The following RHEB variants were observed in gnomAD, a reference collection of about 807,000 sequenced individuals.
RHEB encodes the protein GTP-binding protein Rheb.
A neutral mutation model predicts 28.8 loss-of-function variants in RHEB; 2 were observed. The ratio of observed to expected loss-of-function variants is 0.07; its 90% CI spans 0.03 to 0.22. The LOEUF is 0.22. RHEB is among the 10% of genes least tolerant of loss of function. The pLI is 1.00. For missense variants in RHEB, 76 were observed against 219.9 expected, an observed-to-expected ratio of 0.35 and a Z score of 4.14; for synonymous variants, 69 against 77.3, an observed-to-expected ratio of 0.89 and a Z score of 0.56.
At chr7:151,497,946 A>G (rs1802702856) in intron 1 of RHEB, 1 of 380,474 alleles carries the variant, frequency 2.6e-6, no homozygotes, top group Non-Finnish European at 5.2e-6. Context: ...AACGGGGCAT[A>G]TTGATTAGGC....
At chr7:151,511,917 C>T (rs527462146) in intron 1 of RHEB, among the ~76,000 whole-genome samples, 5 of 152,306 alleles carry the variant, frequency 3.3e-5, no homozygotes, top group Non-Finnish European at 7.3e-5. Context: ...TCCCAAAGTG[C>T]TGGAATTATA....
At chr7:151,509,639 G>C (rs903220189) in intron 1 of RHEB, among the ~76,000 whole-genome samples, 2 of 152,184 alleles carry the variant, frequency 1.3e-5, no homozygotes, top group African/African-American at 4.8e-5. Flanking sequence ...CAGAACAGCA[G>C]GAGGATGGAA....
At chr7:151,482,561 G>C (rs1802397740) in intron 3 of RHEB, among the ~76,000 whole-genome samples, 1 of 152,202 alleles carries the variant, frequency 6.6e-6, no homozygotes, top group Non-Finnish European at 1.5e-5. Flanking sequence ...TTACATGAAA[G>C]TGATTTATCA....
intron 1 of RHEB, chr7:151,503,467 T>C: frequency 8.9e-7 from 1 of 1,119,264 alleles, no homozygotes; most frequent in Admixed American, 1.7e-5. Flanking sequence ...TGACTAGACA[T>C]GAGTCTGGCA....
chr7:151,471,980 G>T, intron 4 of RHEB: 1 of 197,458 alleles, frequency 5.1e-6, no homozygotes, highest in Non-Finnish European at 1.0e-5. Context: ...CTGCTCCTGT[G>T]TTCTTTCCTA....
intron 1 of RHEB, among the ~76,000 whole-genome samples, chr7:151,492,640 G>C (rs78648962): frequency 0.43 from 65,179 of 149,860 alleles, 15,190 homozygotes; most frequent in South Asian, 0.6. Context: ...AAGAAAAAAA[G>C]TAGGGGTTGC....
chr7:151,510,099 A>G (rs1802955983), intron 1 of RHEB, among the ~76,000 whole-genome samples: 1 of 152,254 alleles, frequency 6.6e-6, no homozygotes, highest in Non-Finnish European at 1.5e-5. Flanking sequence ...CTTGAAGGAC[A>G]GTTGGCAAAC....
intron 1 of RHEB, among the ~76,000 whole-genome samples, chr7:151,504,386 T>G (rs971007176): frequency 6.6e-6 from 1 of 152,112 alleles, no homozygotes; most frequent in Non-Finnish European, 1.5e-5. Flanking sequence ...CCAGGATGCT[T>G]GAGGATAGCA....
intron 1 of RHEB, among the ~76,000 whole-genome samples, chr7:151,514,652 C>T (rs1043229432): frequency 6.6e-6 from 1 of 152,178 alleles, no homozygotes; most frequent in Non-Finnish European, 1.5e-5. Flanking sequence ...AATGACCCAG[C>T]AATTCCACTC....
At chr7:151,474,541 T>C (rs369906114) in intron 4 of RHEB, among the ~76,000 whole-genome samples, 29 of 152,304 alleles carry the variant, frequency 1.9e-4, no homozygotes, top group East Asian at 1.2e-3. Flanking sequence ...TCTACTCCTA[T>C]ATCAATATAC....
intron 3 of RHEB, among the ~76,000 whole-genome samples, chr7:151,478,261 T>C (rs1802306548): frequency 1.3e-5 from 2 of 152,134 alleles, no homozygotes; most frequent in Admixed American, 1.3e-4. Flanking sequence ...AGCACTATTA[T>C]GGAAAAATCA....
chr7:151,496,255 A>C (rs1802669929), intron 1 of RHEB, among the ~76,000 whole-genome samples: 1 of 152,148 alleles, frequency 6.6e-6, no homozygotes, highest in Non-Finnish European at 1.5e-5. Flanking sequence ...CCACCTCCTG[A>C]GCACACCAAG....
chr7:151,492,256 T>G (rs927406414), intron 1 of RHEB, among the ~76,000 whole-genome samples: 20 of 152,340 alleles, frequency 1.3e-4, no homozygotes, highest in African/African-American at 4.3e-4. Flanking sequence ...ATAGGTATAG[T>G]TGCACAATGT....
In RHEB at chr7:151,472,050, C is replaced by T. The variant is rs148391496; in HGVS notation, c.276-445G>A. ...TTGGCTTTCAATCAGATCAATGAGC[C>T]GATGACTCTAGGATGGAGGTGGCTC... On this transcript the variant is annotated intron_variant, in intron 4 of 7. Transcript: ENST00000262187. This position sits in a 1 kb window ranked among gnomAD's most constrained non-coding sequence, Gnocchi z 5.2. 171 of 157,932 alleles carry T rather than the reference C, an allele frequency of 1.1e-3. 1 individual carries two copies. The highest frequency in any genetic ancestry group is 2.1e-3 in the Non-Finnish European group (152 of 72,366). The allele number at this position is 157,932 out of a possible 1,614,324, so 9.8% of individuals were successfully genotyped here.
intron 1 of RHEB, among the ~76,000 whole-genome samples, chr7:151,516,066 G>A (rs1803072365): frequency 6.6e-6 from 1 of 152,058 alleles, no homozygotes; most frequent in Non-Finnish European, 1.5e-5. Context: ...ACTTCCTATC[G>A]CGGGACTACT....
At chr7:151,490,479 A>AT (rs1472530023) in intron 2 of RHEB, among the ~76,000 whole-genome samples, 2 of 152,194 alleles carry the variant, frequency 1.3e-5, no homozygotes, top group Non-Finnish European at 2.9e-5. Context: ...CAATCCCAGA[A>AT]TAGTTCATTT....
At chr7:151,513,370 T>C (rs1729137189) in intron 1 of RHEB, among the ~76,000 whole-genome samples, 1 of 152,238 alleles carries the variant, frequency 6.6e-6, no homozygotes, top group Non-Finnish European at 1.5e-5. Flanking sequence ...TGGTAGCATG[T>C]TGCCAAGGAA....
chr7:151,514,701 T>C (rs1234339539), intron 1 of RHEB, among the ~76,000 whole-genome samples: 2 of 152,166 alleles, frequency 1.3e-5, no homozygotes, highest in Admixed American at 1.3e-4. Flanking sequence ...CATGTCTACA[T>C]AAAAGCTTGT....
chr7:151,506,973 T>C (rs1802893074), intron 1 of RHEB, among the ~76,000 whole-genome samples: 1 of 152,198 alleles, frequency 6.6e-6, no homozygotes, highest in Non-Finnish European at 1.5e-5. Context: ...TGCCAACTTC[T>C]TAGGGCTTAA....
Sources: gnomAD v4.1 joint callset for allele counts (sites outside exome capture counted in the v4.1 genomes callset) on GRCh38, gnomAD v4.1.1 for gene constraint, Gnocchi (gnomAD v3.1) non-coding constraint, MANE v1.5 for transcripts, NCBI Gene and HGNC (gene_info 2026-07-23, HGNC 2026-07-21) for gene names.